The following IFT140 variants were observed in gnomAD, a reference collection of about 807,000 sequenced individuals.
IFT140 encodes intraflagellar transport protein 140 homolog.
In IFT140, 133 loss-of-function variants were observed where a neutral mutation model predicts 164.6. That is an observed-to-expected ratio of 0.81 (90% CI 0.70 to 0.93). The LOEUF is 0.93. Ranked by LOEUF, IFT140 falls within the 40% of genes least tolerant of loss-of-function variation. IFT140 has a pLI of 0.00. For missense variants in IFT140, 2,045 were observed against 1,972.3 expected (o/e 1.04, Z -0.70); for synonymous variants, 860 against 817.3 (o/e 1.05, Z -0.89).
chr16:1,547,451 G>T (rs1312965831), intron 19 of IFT140, among the ~76,000 whole-genome samples: 1 of 152,202 alleles, frequency 6.6e-6, no homozygotes, highest in Admixed American at 6.5e-5. Flanking sequence ...TGGTGAGAAA[G>T]TCTGCTGTTC....
rs930211588 is a variant in IFT140, at chr16:1,551,655, A to G, written c.2399+6280T>C. 6.6e-6 allele frequency among the ~76,000 whole-genome samples: 1 copy of G among 152,196 alleles called. No homozygotes were observed. The highest frequency in any genetic ancestry group is 2.4e-5 in the African/African-American group (1 of 41,450). On this transcript the variant is annotated intron_variant, in intron 19 of 30. Transcript: ENST00000426508. This position sits in a 1 kb window ranked among gnomAD's most constrained non-coding sequence, Gnocchi z 4.0. ...ACGTCCAGCACATTCCTCACTGTCG[A>G]ACCCAACTTCAGGACATGCTTGTTC... is the stretch of plus-strand genomic sequence containing the variant.
intron 19 of IFT140, among the ~76,000 whole-genome samples, chr16:1,556,596 T>G (rs1373590605): frequency 6.6e-6 from 1 of 152,244 alleles, no homozygotes; most frequent in African/African-American, 2.4e-5. Flanking sequence ...GGAATTGGTC[T>G]TCAACTGCTA....
In IFT140 at chr16:1,523,891, C is replaced by A. The variant is rs2040596118; in HGVS notation, c.3207G>T (p.Glu1069Asp). 1 of 1,613,538 alleles carries A rather than the reference C, an allele frequency of 6.2e-7. No individual in the cohort carries two copies. Among genetic ancestry groups the A allele is most frequent in the Non-Finnish European group, 8.5e-7 (1 of 1,180,024 alleles). ...CCTTCTCCTCGTAGTATCGGGCCGC[C>A]TCGATCATGTCCTCGGGGGAGCTCA... ...ALLSSPEDMI[E>D]AARYYEEKGV... The change falls in exon 25 of 31, where the codon GAG (glutamate) becomes GAT (aspartate). Residue 1069 changes from glutamate to aspartate, a missense_variant. Physicochemically the swap from Glu to Asp is conservative, Grantham distance 45. Transcript: ENST00000426508.
chr16:1,584,500 C>T, intron 10 of IFT140, 80 bp from the exon 11 acceptor site: 1 of 1,094,384 alleles, frequency 9.1e-7, no homozygotes. Flanking sequence ...AATACTTACA[C>T]ACACGAGAAC....
rs373009406 is a variant in IFT140 at position 1,607,290 on chromosome 16, G to A, written c.-24C>T. 37 of 1,595,602 alleles carry A rather than the reference G, an allele frequency of 2.3e-5. No individual in the cohort carries two copies. Among genetic ancestry groups the A allele is most frequent in the African/African-American group, 4.1e-5 (3 of 73,702 alleles). Reference sequence around the variant, plus strand: ...ATGACGGAACTCAGGCCTCCTCAGCGCTGAAACCTGCAGGGAAAAAAAAAT... The same window carrying A: ...ATGACGGAACTCAGGCCTCCTCAGCACTGAAACCTGCAGGGAAAAAAAAAT... On this transcript the variant is annotated 5_prime_UTR_variant, in exon 3 of 31. Transcript: ENST00000426508.
At chr16:1,543,170 A>G (rs2143285) in intron 19 of IFT140, among the ~76,000 whole-genome samples, 65,468 of 152,186 alleles carry the variant, frequency 0.43, 15,538 homozygotes, top group African/African-American at 0.64. Flanking sequence ...GCTGAGCATG[A>G]CCAGCACGGA....
In IFT140 at chr16:1,564,017, C is replaced by G. The variant is rs965462236; in HGVS notation, c.2047G>C (p.Asp683His). 10 of 1,591,052 alleles carry G rather than the reference C, an allele frequency of 6.3e-6. No homozygotes were observed. The highest frequency in any genetic ancestry group is 7.7e-6 in the Non-Finnish European group (9 of 1,162,744). Reference sequence around the variant, plus strand: ...CGTACCGCAGGGCCAGCGCGCCCATCTTGGGGCTGCCCGTTTGCAGACTGA... The same window carrying G: ...CGTACCGCAGGGCCAGCGCGCCCATGTTGGGGCTGCCCGTTTGCAGACTGA... ...QPQSANGQPQ[D>H]GRAGPAADVL... The change falls in exon 17 of 31, where the codon GAT (aspartate) becomes CAT (histidine). Residue 683 changes from aspartate (D) to histidine (H), a missense_variant. Coordinates refer to ENST00000426508, the MANE Select transcript of IFT140 (RefSeq NM_014714.4). The surrounding 1 kb of genome is among the most constrained non-coding windows in gnomAD (Gnocchi z 5.5).
rs185523496 is a variant in IFT140, at chr16:1,586,460, C to T, written c.1010-185G>A. Reference sequence around the variant, plus strand: ...CTGCCCTGACCTCACAGTGCCAGTGCGGGGGTGGTGGGGGATGCTGCTCTC... The same window carrying T: ...CTGCCCTGACCTCACAGTGCCAGTGTGGGGGTGGTGGGGGATGCTGCTCTC... On this transcript the variant is annotated intron_variant, in intron 9 of 30. Coordinates refer to ENST00000426508, the MANE Select transcript of IFT140 (RefSeq NM_014714.4). Among the ~76,000 whole-genome samples, 376 of 145,630 alleles carry T rather than the reference C, an allele frequency of 2.6e-3. 1 individual carries two copies. Among genetic ancestry groups the T allele is most frequent in the African/African-American group, 8.8e-3 (354 of 40,302 alleles).
intron 2 of IFT140, chr16:1,610,242 G>C (rs1033378271): frequency 6.5e-6 from 1 of 154,958 alleles, no homozygotes; most frequent in Non-Finnish European, 1.5e-5. Flanking sequence ...GGACGGTACT[G>C]AGAAGCCATG....
intron 19 of IFT140, among the ~76,000 whole-genome samples, chr16:1,528,025 T>C (rs2029907153): frequency 6.6e-6 from 1 of 152,148 alleles, no homozygotes; most frequent in South Asian, 2.1e-4. Flanking sequence ...ATGAGAACCG[T>C]GTGTCCGCAT....
In IFT140 at chr16:1,602,465, C is replaced by T. The variant is rs1368281360; in HGVS notation, c.274G>A (p.Asp92Asn). The change falls in exon 4 of 31, where the codon GAC (aspartate) becomes AAC (asparagine). Residue 92 changes from aspartate to asparagine, a missense_variant. Asp to Asn is a conservative substitution (Grantham distance 23). Coordinates refer to ENST00000426508, the MANE Select transcript of IFT140 (RefSeq NM_014714.4). Reference protein sequence around the residue: ...TGEVTVFNKQDKEQHTMPLTH... With the variant: ...TGEVTVFNKQNKEQHTMPLTH... ...AGGGGCATCGTGTGCTGCTCCTTGT[C>T]CTGCTTGTTAAACACCGTCACTTCT... The T allele has an allele frequency of 6.2e-7, 1 of 1,614,232 alleles. No homozygotes were observed. The highest frequency in any genetic ancestry group is 2.2e-5 in the East Asian group (1 of 44,882).
At chr16:1,543,117 C>T (rs2031807973) in intron 19 of IFT140, among the ~76,000 whole-genome samples, 1 of 152,198 alleles carries the variant, frequency 6.6e-6, no homozygotes, top group African/African-American at 2.4e-5. Context: ...GCCCGGTGCC[C>T]GCAGAGACAG....
At position 1,511,062 on chromosome 16, in the gene IFT140, T is replaced by A; in HGVS notation, c.4271A>T (p.His1424Leu). Residue 1424 changes from histidine to leucine, a missense_variant, in exon 31 of 31, where the codon CAC becomes CTC. Physicochemically the swap from His to Leu is moderately conservative, Grantham distance 99 (BLOSUM62 -3). Coordinates refer to ENST00000426508, the MANE Select transcript of IFT140 (RefSeq NM_014714.4). ...YVSPQAVDAV[H>L]RGLGLPLPRT... ...TGGCAGTGGGAGACCCAGCCCCCGG[T>A]GCACGGCGTCCACGGCCTGCGGGCT... is the stretch of plus-strand genomic sequence containing the variant. The A allele has an allele frequency of 3.7e-6, 6 of 1,607,986 alleles. No homozygotes were observed. The highest frequency in any genetic ancestry group is 5.1e-6 in the Non-Finnish European group (6 of 1,177,308).
rs1242618164 is a variant in IFT140 at position 1,564,328 on chromosome 16, G to A, written c.1902-166C>T. ...GGTCTCACTGCCATGCGCCCTACTGGAACATGTTCTCAGATTTTAACAACT... is the reference window on the plus strand; with the variant it reads ...GGTCTCACTGCCATGCGCCCTACTGAAACATGTTCTCAGATTTTAACAACT... On this transcript the variant is annotated intron_variant, in intron 16 of 30. Transcript: ENST00000426508. This position sits in a 1 kb window ranked among gnomAD's most constrained non-coding sequence, Gnocchi z 5.5. Among the ~76,000 whole-genome samples the A allele has an allele frequency of 6.6e-6, 1 of 152,134 alleles. No homozygotes were observed. Among genetic ancestry groups the A allele is most frequent in the Admixed American group, 6.5e-5 (1 of 15,280 alleles).
At chr16:1,602,297 G>T in intron 4 of IFT140, 73 bp downstream of exon 4, 2 of 1,309,294 alleles carry the variant, frequency 1.5e-6, no homozygotes, top group Non-Finnish European at 2.2e-6. Context: ...CCCATATTTT[G>T]ATCTTTCATA....
chr16:1,573,180 A>C (rs1361891947), intron 13 of IFT140, among the ~76,000 whole-genome samples: 1 of 152,224 alleles, frequency 6.6e-6, no homozygotes, highest in Non-Finnish European at 1.5e-5. Flanking sequence ...TGATGTATCC[A>C]GTGGGAGCCT....
chr16:1,524,665 G>C lies in IFT140; in HGVS notation c.3028C>G (p.Leu1010Val), dbSNP rs762864082. 8.2e-6 allele frequency: 13 copies of C among 1,578,590 alleles called. No individual in the cohort carries two copies. Among genetic ancestry groups the C allele is most frequent in the Non-Finnish European group, 1.1e-5 (13 of 1,157,356 alleles). ...AAQIANETGN[L>V]AASYHLARQY... The stretch of plus-strand genomic sequence containing the variant: ...CGGGCGAGGTGGTAGGAGGCCGCCA[G>C]GTTTCCTGTCTCGTTGGCTATTTGC... Residue 1010 changes from leucine to valine, a missense_variant, in exon 24 of 31, where the codon CTG becomes GTG. Coordinates refer to ENST00000426508, the MANE Select transcript of IFT140 (RefSeq NM_014714.4).
intron 2 of IFT140, among the ~76,000 whole-genome samples, chr16:1,609,386 G>A (rs948570142): frequency 6.7e-6 from 1 of 149,314 alleles, no homozygotes; most frequent in African/African-American, 2.4e-5. Context: ...CTCTCTCAGG[G>A]CTTGATGGCT....
intron 18 of IFT140, 147 bp downstream of exon 18, chr16:1,561,838 T>C: frequency 1.4e-6 from 1 of 699,844 alleles, no homozygotes; most frequent in Non-Finnish European, 2.2e-6. Flanking sequence ...CAAGTGAGAC[T>C]GGATGGCTGA....
Sources: allele counts gnomAD v4.1 joint callset (sites outside exome capture counted in the v4.1 genomes callset), GRCh38; gene constraint gnomAD v4.1.1; non-coding constraint Gnocchi (gnomAD v3.1); transcripts MANE v1.5; gene names NCBI Gene and HGNC (gene_info 2026-07-23, HGNC 2026-07-21).